Variants in EDIL3 observed in about 807,000 individuals in gnomAD.
EDIL3 encodes EGF like and discoidin domains 3.
In EDIL3, 37 loss-of-function variants were observed where a neutral mutation model predicts 67.4. The ratio of observed to expected loss-of-function variants is 0.55; its 90% confidence interval spans 0.42 to 0.72. The LOEUF (loss-of-function observed/expected upper bound fraction) is 0.72. EDIL3 is among the 30% of genes least tolerant of loss of function. EDIL3 has a pLI of 0.00. For synonymous variants in EDIL3, 195 were observed against 196.3 expected (o/e 0.99, Z 0.05); for missense variants, 527 against 586.3 (o/e 0.90, Z 1.04).
At chr5:84,242,824 A>ATAT (rs34221437) in intron 2 of EDIL3, among the ~76,000 whole-genome samples, 97,574 of 142,546 alleles carry the variant, frequency 0.68, 33,644 homozygotes, top group East Asian at 0.82. Context: ...TTCCAAAGAA[A>ATAT]TATTATTATT....
At chr5:84,225,187 G>A (rs1744423714) in intron 3 of EDIL3, among the ~76,000 whole-genome samples, 1 of 151,576 alleles carries the variant, frequency 6.6e-6, no homozygotes, top group Non-Finnish European at 1.5e-5. Context: ...AGAACTGAAA[G>A]TGATTAACAA....
chr5:84,132,303 T>C (rs1296563994), intron 5 of EDIL3, among the ~76,000 whole-genome samples: 1 of 94,582 alleles, frequency 1.1e-5, no homozygotes, highest in Non-Finnish European at 2.0e-5. Context: ...ATTTTATATA[T>C]AATATATATT....
intron 1 of EDIL3, among the ~76,000 whole-genome samples, chr5:84,344,216 T>C (rs1181693562): frequency 6.6e-6 from 1 of 152,034 alleles, no homozygotes; most frequent in Non-Finnish European, 1.5e-5. Flanking sequence ...TGAAGAATTA[T>C]GTTTATATAA....
chr5:84,017,414 T>A (rs1395400694), intron 9 of EDIL3, among the ~76,000 whole-genome samples: 1 of 152,200 alleles, frequency 6.6e-6, no homozygotes, highest in Non-Finnish European at 1.5e-5. Context: ...CTCTGTGACT[T>A]CACTAGGATC....
At chr5:84,189,977 G>C (rs946262687) in intron 3 of EDIL3, among the ~76,000 whole-genome samples, 19 of 151,926 alleles carry the variant, frequency 1.3e-4, no homozygotes, top group African/African-American at 4.6e-4. Context: ...TTGTGAATTA[G>C]TGAATACCAT....
chr5:84,358,901 C>T (rs1056007333), intron 1 of EDIL3, among the ~76,000 whole-genome samples: 10 of 152,074 alleles, frequency 6.6e-5, no homozygotes, highest in Non-Finnish European at 1.3e-4. Flanking sequence ...TAAGCCACCG[C>T]ACCCAGCTAT....
At chr5:84,236,515 T>G (rs1055006793) in intron 2 of EDIL3, among the ~76,000 whole-genome samples, 2 of 152,090 alleles carry the variant, frequency 1.3e-5, no homozygotes, top group African/African-American at 4.8e-5. Flanking sequence ...TTTCACCACC[T>G]TCAACTCCTT....
intron 1 of EDIL3, among the ~76,000 whole-genome samples, chr5:84,364,740 A>G (rs1747691187): frequency 6.6e-6 from 1 of 151,998 alleles, no homozygotes; most frequent in Admixed American, 6.6e-5. Context: ...CACTACATAA[A>G]TTTCATATGG....
chr5:84,054,256 C>G (rs530475355), intron 9 of EDIL3, among the ~76,000 whole-genome samples: 2 of 152,266 alleles, frequency 1.3e-5, no homozygotes, highest in Admixed American at 1.3e-4. Context: ...CAAATTTCAA[C>G]AACTCTTCAT....
At chr5:84,340,653 G>C (rs1747092128) in intron 1 of EDIL3, among the ~76,000 whole-genome samples, 1 of 148,068 alleles carries the variant, frequency 6.8e-6, no homozygotes, top group African/African-American at 2.5e-5. Context: ...CTAGTTTTTA[G>C]ATTCCACTTT....
intron 4 of EDIL3, among the ~76,000 whole-genome samples, chr5:84,150,306 C>T (rs1001076953): frequency 3.9e-5 from 6 of 151,960 alleles, no homozygotes; most frequent in African/African-American, 1.4e-4. Flanking sequence ...ATATCAAATC[C>T]ATAAACTCCT....
In EDIL3 at chr5:84,155,448, T is replaced by G. The variant is rs572691822; in HGVS notation, c.356-18094A>C. On this transcript the variant is annotated intron_variant, in intron 4 of 10. Transcript: ENST00000296591. ...TAGACTGTCTAGAATTGTTTTTCAT[T>G]CATTGTGTTGGTATGCATTAATTTT... 2.4e-4 allele frequency among the ~76,000 whole-genome samples: 37 copies of G among 152,322 alleles called. No individual in the cohort carries two copies. In the South Asian group the frequency reaches 6.8e-3, roughly 28 times the overall value.
intron 1 of EDIL3, among the ~76,000 whole-genome samples, chr5:84,378,555 C>A (rs1409996402): frequency 1.3e-5 from 2 of 152,120 alleles, no homozygotes; most frequent in African/African-American, 4.8e-5. Context: ...TATAGAGGAC[C>A]CAGAAACTTG....
intron 1 of EDIL3, among the ~76,000 whole-genome samples, chr5:84,307,763 A>T (rs2112138118): frequency 6.6e-6 from 1 of 152,260 alleles, no homozygotes; most frequent in Admixed American, 6.5e-5. Flanking sequence ...ATACAGGAGG[A>T]GAAATGAGAA....
At chr5:84,378,332 A>G (rs1373287383) in intron 1 of EDIL3, among the ~76,000 whole-genome samples, 1 of 152,142 alleles carries the variant, frequency 6.6e-6, no homozygotes, top group Non-Finnish European at 1.5e-5. Context: ...CAGCATTATC[A>G]CCAGTTATTG....
chr5:84,218,091 A>G (rs1206328343), intron 3 of EDIL3, among the ~76,000 whole-genome samples: 1 of 152,222 alleles, frequency 6.6e-6, no homozygotes, highest in Non-Finnish European at 1.5e-5. Context: ...CAGAAGTTTT[A>G]AAAAGTTGAA....
chr5:84,006,938 A>G (rs1399264609), intron 9 of EDIL3, among the ~76,000 whole-genome samples: 1 of 152,128 alleles, frequency 6.6e-6, no homozygotes, highest in Non-Finnish European at 1.5e-5. Context: ...CAAAAAACAG[A>G]CATATAGACC....
At chr5:84,317,011 T>C (rs1480482040) in intron 1 of EDIL3, among the ~76,000 whole-genome samples, 5 of 151,956 alleles carry the variant, frequency 3.3e-5, no homozygotes, top group African/African-American at 7.2e-5. Context: ...TGAATGACTA[T>C]TGCGTAAATA....
intron 4 of EDIL3, among the ~76,000 whole-genome samples, chr5:84,147,656 T>C (rs1469912905): frequency 6.6e-6 from 1 of 152,058 alleles, no homozygotes; most frequent in African/African-American, 2.4e-5. Flanking sequence ...AAGTGGGGCT[T>C]TTAAGGGAAT....
Sources: gnomAD v4.1 joint callset for allele counts (sites outside exome capture counted in the v4.1 genomes callset) on GRCh38, gnomAD v4.1.1 for gene constraint, MANE v1.5 for transcripts, NCBI Gene and HGNC (gene_info 2026-07-23, HGNC 2026-07-21) for gene names.